Variants in MAJIN observed in about 807,000 individuals in gnomAD.
MAJIN encodes membrane anchored junction protein.
Under a neutral mutation model 30.2 loss-of-function variants are expected in MAJIN, and 27 were observed. The observed-to-expected ratio is 0.89, with a 90% CI of 0.66 to 1.23. MAJIN has a LOEUF of 1.23. Ranked by LOEUF, MAJIN falls within the 50% of genes most tolerant of loss-of-function variation. The pLI is 0.00. For missense variants in MAJIN, 253 were observed against 260.3 expected, an observed-to-expected ratio of 0.97 and a Z score of 0.19; for synonymous variants, 78 against 91.6, an observed-to-expected ratio of 0.85 and a Z score of 0.85.
chr11:64,959,093 C>CA (rs34562472), intron 3 of MAJIN, among the ~76,000 whole-genome samples: 1,729 of 52,950 alleles, frequency 0.033, 32 homozygotes, highest in South Asian at 0.083. Flanking sequence ...TGCTTCTCTT[C>CA]AAAAAAAAAA....
chr11:64,958,285 A>G (rs546417269), intron 3 of MAJIN, among the ~76,000 whole-genome samples: 1 of 152,068 alleles, frequency 6.6e-6, no homozygotes, highest in African/African-American at 2.4e-5. Context: ...AAATATTGAC[A>G]GATTAATCAA....
intron 10 of MAJIN, among the ~76,000 whole-genome samples, chr11:64,939,346 C>T (rs562505333): frequency 3.9e-5 from 6 of 152,304 alleles, no homozygotes; most frequent in East Asian, 3.9e-4. Flanking sequence ...GTGATCCACC[C>T]GCCTTGGCCT....
chr11:64,945,001 CT>C (rs1308204456), intron 8 of MAJIN, among the ~76,000 whole-genome samples: 2 of 152,198 alleles, frequency 1.3e-5, no homozygotes, highest in Non-Finnish European at 1.5e-5. Context: ...CAGCCCTTCA[CT>C]GCTCTAGAAG....
rs1032182291 is a variant in MAJIN at position 64,954,411 on chromosome 11, G to C, written c.147+346C>G. On this transcript the variant is annotated intron_variant, in intron 4 of 10. Transcript: ENST00000301896. ...TCCTGAACGTCAAGTACCAGGCAGT[G>C]GTTGGGATGGTGAGGTTTCCCAGAG... The C allele has an allele frequency of 9.6e-6, 4 of 415,190 alleles. No individual in the cohort carries two copies. The Admixed American group carries it at 1.5e-4, about 15-fold the overall frequency. 25.7% of individuals were successfully genotyped at this position (415,190 alleles called of 1,614,324 possible).
chr11:64,953,582 A>G (rs1208092097), intron 4 of MAJIN, among the ~76,000 whole-genome samples: 2 of 152,144 alleles, frequency 1.3e-5, no homozygotes, highest in African/African-American at 4.8e-5. Flanking sequence ...CACGAGGTCA[A>G]GAGATCGAGA....
At chr11:64,967,309 G>A (rs557709631) in intron 1 of MAJIN, among the ~76,000 whole-genome samples, 5 of 152,050 alleles carry the variant, frequency 3.3e-5, no homozygotes, top group African/African-American at 1.2e-4. Context: ...TGGAGGCTGA[G>A]GCAGGAGAAT....
At chr11:64,946,011 C>G in intron 8 of MAJIN, 1 of 1,360,328 alleles carries the variant, frequency 7.4e-7, no homozygotes, top group Non-Finnish European at 9.7e-7. Context: ...TAACCGGAAT[C>G]CTGACTTGTA....
intron 1 of MAJIN, among the ~76,000 whole-genome samples, chr11:64,971,574 G>A (rs1945906688): frequency 6.6e-6 from 1 of 152,028 alleles, no homozygotes; most frequent in African/African-American, 2.4e-5. Context: ...ACTGTGTGCC[G>A]GTCACTCGCC....
At chr11:64,943,899 C>T (rs1393868419) in intron 8 of MAJIN, among the ~76,000 whole-genome samples, 3 of 152,138 alleles carry the variant, frequency 2.0e-5, no homozygotes, top group Non-Finnish European at 4.4e-5. Flanking sequence ...TTTTTCTTAC[C>T]CCCTAAAGGA....
rs1212803762 is a variant in MAJIN at position 64,948,616 on chromosome 11, T to TC, written c.350-798_350-797insG. Among the ~76,000 whole-genome samples the TC allele has an allele frequency of 6.7e-3, 270 of 40,414 alleles. 17 individuals are homozygous for TC. Among genetic ancestry groups the TC allele is most frequent in the African/African-American group, 0.014 (95 of 6,964 alleles). 26.5% of individuals were successfully genotyped at this position (40,414 alleles called of 152,430 possible). ...TCGGGCTACATCATATATATATATATATATATATATATATATATATATATT... is the reference window on the plus strand; with the variant it reads ...TCGGGCTACATCATATATATATATATCATATATATATATATATATATATATT... On this transcript the variant is annotated intron_variant, in intron 6 of 10. Coordinates refer to ENST00000301896, the MANE Select transcript of MAJIN (RefSeq NM_001037225.3).
chr11:64,951,036 T>C (rs1945543735), intron 4 of MAJIN, among the ~76,000 whole-genome samples: 2 of 152,238 alleles, frequency 1.3e-5, no homozygotes, highest in Admixed American at 1.3e-4. Context: ...TACCAAGTTA[T>C]AATTGTTAGT....
Position 64,949,810 on chromosome 11 carries a change from C to T in MAJIN, c.282G>A (p.Leu94=), listed in dbSNP as rs1945521256. Residue 94 remains leucine, a synonymous_variant, in exon 6 of 11, where the codon TTG becomes TTA. Transcript: ENST00000301896. ...HLKFKHGEII[L]IPYPFVFTLY... is the part of the protein sequence containing the mutation. ...GAGTAAAAACAAATGGGTAGGGGAT[C>T]AAGATAATTTCCCCATGTTTGAATT... 1.2e-6 allele frequency: 2 copies of T among 1,611,156 alleles called. No individual in the cohort carries two copies. The highest frequency in any genetic ancestry group is 1.7e-6 in the Non-Finnish European group (2 of 1,179,528).
chr11:64,962,455 T>G (rs1945742801), intron 1 of MAJIN, among the ~76,000 whole-genome samples: 1 of 151,508 alleles, frequency 6.6e-6, no homozygotes, highest in Non-Finnish European at 1.5e-5. Flanking sequence ...CCAGTAACTA[T>G]TATTAAGTTG....
At chr11:64,947,556 A>G in intron 7 of MAJIN, 91 bp from the exon 8 acceptor site, 2 of 1,349,686 alleles carry the variant, frequency 1.5e-6, no homozygotes, top group South Asian at 1.2e-5. Flanking sequence ...CCATCCTTAA[A>G]CTGCCAAAGG....
chr11:64,953,001 A>C (rs1170109336), intron 4 of MAJIN, among the ~76,000 whole-genome samples: 2 of 152,148 alleles, frequency 1.3e-5, no homozygotes, highest in Non-Finnish European at 2.9e-5. Context: ...CACAGCGCCC[A>C]GCCTCAGTAA....
At chr11:64,962,987 C>T (rs767298755) in intron 1 of MAJIN, among the ~76,000 whole-genome samples, 11 of 151,990 alleles carry the variant, frequency 7.2e-5, no homozygotes, top group Admixed American at 3.9e-4. Flanking sequence ...ATTGGCCGGG[C>T]GTGGTGGGGG....
chr11:64,954,900 A>G (rs1202516465), intron 3 of MAJIN, 98 bp from the exon 4 acceptor site: 14 of 1,064,746 alleles, frequency 1.3e-5, no homozygotes, highest in Non-Finnish European at 1.9e-5. Context: ...ACTGAGCTAA[A>G]GAAACATGAC....
At chr11:64,963,859 G>T (rs767204690) in intron 1 of MAJIN, among the ~76,000 whole-genome samples, 1 of 152,082 alleles carries the variant, frequency 6.6e-6, no homozygotes, top group Non-Finnish European at 1.5e-5. Flanking sequence ...ATGAGTGTGG[G>T]TAACAAAATA....
At chr11:64,947,308 C>T in intron 8 of MAJIN, 66 bp downstream of exon 8, 1 of 1,400,210 alleles carries the variant, frequency 7.1e-7, no homozygotes, top group Non-Finnish European at 9.8e-7. Context: ...CAGGATCAAC[C>T]AACAGTAATA....
Sources: allele counts gnomAD v4.1 joint callset (sites outside exome capture counted in the v4.1 genomes callset), GRCh38; gene constraint gnomAD v4.1.1; transcripts MANE v1.5; gene names NCBI Gene and HGNC (gene_info 2026-07-23, HGNC 2026-07-21).